GMPS: variants seen among roughly 807,000 people sequenced by gnomAD.
The protein encoded by GMPS is guanosine monophosphate synthase.
GMPS carries 15 observed loss-of-function variants against 77.9 expected under a neutral mutation model. That is an observed-to-expected ratio of 0.19 (90% CI 0.13 to 0.30). The LOEUF (loss-of-function observed/expected upper bound fraction) is 0.30. Ranked by LOEUF, GMPS falls within the 10% of genes least tolerant of loss-of-function variation. GMPS has a pLI of 1.00. For missense variants in GMPS, 590 were observed against 838.8 expected, an observed-to-expected ratio of 0.70 and a Z score of 3.66; for synonymous variants, 224 against 275.9, an observed-to-expected ratio of 0.81 and a Z score of 1.86.
chr3:155,896,752 T>A (rs991348548), intron 2 of GMPS, among the ~76,000 whole-genome samples: 30 of 69,428 alleles, frequency 4.3e-4, no homozygotes, highest in African/African-American at 7.8e-4. Flanking sequence ...TTTTTTTTTT[T>A]ATAAATTTGA....
At chr3:155,887,773 AG>A (rs1173213216) in intron 1 of GMPS, among the ~76,000 whole-genome samples, 3 of 152,036 alleles carry the variant, frequency 2.0e-5, no homozygotes, top group Non-Finnish European at 4.4e-5. Context: ...GGGGAGTGAA[AG>A]GTATACAGTT....
At chr3:155,927,537 T>G (rs1423049095) in intron 12 of GMPS, among the ~76,000 whole-genome samples, 1 of 152,224 alleles carries the variant, frequency 6.6e-6, no homozygotes, top group Non-Finnish European at 1.5e-5. Flanking sequence ...AAATAAAATT[T>G]TCTTTTGTTA....
chr3:155,927,595 C>A (rs1050764534), intron 12 of GMPS, among the ~76,000 whole-genome samples: 10 of 152,120 alleles, frequency 6.6e-5, no homozygotes, highest in African/African-American at 2.2e-4. Context: ...TAGACCCTTG[C>A]AAGCCCAGAT....
chr3:155,886,775 G>A (rs1754350021), intron 1 of GMPS, among the ~76,000 whole-genome samples: 1 of 151,816 alleles, frequency 6.6e-6, no homozygotes, highest in East Asian at 2.0e-4. Context: ...CAAAGTGCTG[G>A]GATTACAGGC....
chr3:155,904,235 A>G (rs1198805303), intron 4 of GMPS, among the ~76,000 whole-genome samples: 3 of 151,644 alleles, frequency 2.0e-5, no homozygotes, highest in Non-Finnish European at 4.4e-5. Flanking sequence ...TGATACCAAC[A>G]TTTGTATTTT....
intron 1 of GMPS, among the ~76,000 whole-genome samples, chr3:155,876,288 A>G (rs1754047600): frequency 6.6e-6 from 1 of 152,172 alleles, no homozygotes; most frequent in South Asian, 2.1e-4. Context: ...GCAACTTCAG[A>G]TATTTCTCCT....
chr3:155,933,114 C>T (rs1577537510), intron 13 of GMPS, among the ~76,000 whole-genome samples: 2 of 152,058 alleles, frequency 1.3e-5, no homozygotes, highest in Admixed American at 6.6e-5. Flanking sequence ...ATGGTGTGAA[C>T]CCGGGAGACA....
intron 2 of GMPS, chr3:155,895,368 C>G (rs1227716257): frequency 6.6e-6 from 1 of 151,892 alleles, no homozygotes; most frequent in East Asian, 1.9e-4. Context: ...TGCAGTGGTG[C>G]GATCTTGGCT....
At chr3:155,918,799 T>G (rs1169160516) in intron 9 of GMPS, among the ~76,000 whole-genome samples, 5 of 152,194 alleles carry the variant, frequency 3.3e-5, no homozygotes, top group Non-Finnish European at 4.4e-5. Flanking sequence ...GTTGTAAATG[T>G]TCTTTATATA....
intron 10 of GMPS, 60 bp downstream of exon 10, chr3:155,919,398 T>C (rs760602759): frequency 1.3e-5 from 10 of 772,598 alleles, no homozygotes; most frequent in Non-Finnish European, 2.2e-5. Flanking sequence ...TGAAGAAAAA[T>C]CAATTCAGAC....
intron 1 of GMPS, among the ~76,000 whole-genome samples, chr3:155,886,687 C>A (rs1270643036): frequency 2.4e-5 from 3 of 125,918 alleles, no homozygotes; most frequent in African/African-American, 9.3e-5. Context: ...GTGATGTGAT[C>A]TCCACTCACT....
chr3:155,879,266 T>C (rs1356912370), intron 1 of GMPS, among the ~76,000 whole-genome samples: 1 of 96,780 alleles, frequency 1.0e-5, no homozygotes, highest in Non-Finnish European at 2.0e-5. Flanking sequence ...TGCACTTGTC[T>C]TTTTTTTTTT....
chr3:155,914,831 C>T (rs1324870923), intron 8 of GMPS, among the ~76,000 whole-genome samples: 1 of 151,846 alleles, frequency 6.6e-6, no homozygotes, highest in Admixed American at 6.6e-5. Context: ...TGCAGTTGCA[C>T]GATCTCGGCT....
intron 3 of GMPS, among the ~76,000 whole-genome samples, chr3:155,899,757 A>T (rs1754688636): frequency 1.3e-5 from 2 of 152,088 alleles, no homozygotes; most frequent in Non-Finnish European, 2.9e-5. Context: ...TTACCTGTTC[A>T]TCCCCCATAT....
At chr3:155,928,107 A>G (rs546847824) in intron 12 of GMPS, among the ~76,000 whole-genome samples, 6 of 141,156 alleles carry the variant, frequency 4.3e-5, no homozygotes, top group African/African-American at 1.6e-4. Flanking sequence ...GCTCATGGCA[A>G]CCTCCACCTA....
At chr3:155,937,083 G>T (rs547019925) in intron 15 of GMPS, among the ~76,000 whole-genome samples, 2 of 152,318 alleles carry the variant, frequency 1.3e-5, no homozygotes, top group East Asian at 3.9e-4. Flanking sequence ...GTGGCTTAGA[G>T]TCATTTTTCT....
chr3:155,906,314 G>C, intron 5 of GMPS, 51 bp downstream of exon 5: 2 of 1,042,618 alleles, frequency 1.9e-6, no homozygotes, highest in South Asian at 2.7e-5. Context: ...TTTATCTGAA[G>C]AGTAAGCATA....
chr3:155,924,402 C>T (rs1411892052), intron 11 of GMPS, among the ~76,000 whole-genome samples: 1 of 152,142 alleles, frequency 6.6e-6, no homozygotes, highest in Non-Finnish European at 1.5e-5. Context: ...CAATGTTTAG[C>T]TGAAGTAACA....
chr3:155,888,495 T>C (rs1413560377), intron 1 of GMPS, among the ~76,000 whole-genome samples: 1 of 151,878 alleles, frequency 6.6e-6, no homozygotes. Flanking sequence ...AGTGGCATGA[T>C]TATGACTCAC....
Sources: gnomAD v4.1 joint callset for allele counts (sites outside exome capture counted in the v4.1 genomes callset) on GRCh38, gnomAD v4.1.1 for gene constraint, MANE v1.5 for transcripts, NCBI Gene and HGNC (gene_info 2026-07-23, HGNC 2026-07-21) for gene names.